The following BMPER variants were observed in gnomAD, a reference collection of about 807,000 sequenced individuals.
BMPER encodes the protein BMP binding endothelial regulator.
A neutral mutation model predicts 87.3 loss-of-function variants in BMPER; 45 were observed. That is an observed-to-expected ratio of 0.52 (90% CI 0.41 to 0.66). The LOEUF (loss-of-function observed/expected upper bound fraction) is 0.66. Among genes scored for constraint, BMPER ranks in the 30% least tolerant of loss-of-function variants. BMPER has a pLI of 0.00. For missense variants in BMPER, 784 were observed against 867.5 expected (o/e 0.90, Z 1.21); for synonymous variants, 326 against 316.2 (o/e 1.03, Z -0.33).
rs1328668674 is a variant in BMPER at position 34,077,296 on chromosome 7, AGTTAG to A, written c.1079-1559_1079-1555del. Among the ~76,000 whole-genome samples, 9 of 152,102 alleles carry A rather than the reference AGTTAG, an allele frequency of 5.9e-5. 1 individual carries two copies. The South Asian group carries it at 1.5e-3, about 25-fold the overall frequency. On this transcript the variant is annotated intron_variant, in intron 11 of 14. Coordinates refer to ENST00000649409, the MANE Select transcript of BMPER (RefSeq NM_001365308.1). ...CTGGGAACTAGTTGAGAAGATATGG[AGTTAG>A]GAAGGTGGGAAAAGGGTGAAATGTG... is the stretch of plus-strand genomic sequence containing the variant.
At chr7:34,107,291 A>T (rs972258615) in intron 13 of BMPER, among the ~76,000 whole-genome samples, 1 of 152,248 alleles carries the variant, frequency 6.6e-6, no homozygotes, top group African/African-American at 2.4e-5. Context: ...TTTAGCATAC[A>T]GAAACTATGG....
At chr7:34,038,651 G>C (rs1787749837) in intron 6 of BMPER, among the ~76,000 whole-genome samples, 1 of 152,184 alleles carries the variant, frequency 6.6e-6, no homozygotes, top group Non-Finnish European at 1.5e-5. Context: ...TCTCAAGACA[G>C]GGCATTAGTT....
At chr7:33,981,507 C>G (rs1785858999) in intron 6 of BMPER, among the ~76,000 whole-genome samples, 1 of 152,158 alleles carries the variant, frequency 6.6e-6, no homozygotes, top group Non-Finnish European at 1.5e-5. Context: ...ACTTTACGCT[C>G]CAAACATCTA....
At chr7:33,931,775 G>C (rs888367227) in intron 2 of BMPER, among the ~76,000 whole-genome samples, 2 of 152,158 alleles carry the variant, frequency 1.3e-5, no homozygotes, top group Non-Finnish European at 2.9e-5. Flanking sequence ...ATTCCTATTT[G>C]AGCCATCTTG....
At chr7:33,993,387 C>T (rs1180314838) in intron 6 of BMPER, among the ~76,000 whole-genome samples, 2 of 152,180 alleles carry the variant, frequency 1.3e-5, no homozygotes, top group African/African-American at 4.8e-5. Flanking sequence ...ATCACTGATA[C>T]CCTTTCTTCC....
At chr7:33,982,375 A>T (rs1399709666) in intron 6 of BMPER, among the ~76,000 whole-genome samples, 2 of 152,204 alleles carry the variant, frequency 1.3e-5, no homozygotes. Flanking sequence ...TGGGCAGTTC[A>T]TCTAACTAGT....
At chr7:33,999,015 C>T (rs370228417) in intron 6 of BMPER, among the ~76,000 whole-genome samples, 5 of 152,280 alleles carry the variant, frequency 3.3e-5, no homozygotes, top group South Asian at 2.1e-4. Context: ...CTTCCCTGCC[C>T]GCCTGCTCTG....
intron 5 of BMPER, among the ~76,000 whole-genome samples, chr7:33,972,318 C>G (rs548311225): frequency 6.6e-6 from 1 of 152,282 alleles, no homozygotes; most frequent in Admixed American, 6.5e-5. Flanking sequence ...GACCTCCCAC[C>G]CTGTAGAACA....
At chr7:34,135,694 C>T (rs1040948878) in intron 13 of BMPER, among the ~76,000 whole-genome samples, 1 of 152,128 alleles carries the variant, frequency 6.6e-6, no homozygotes, top group Non-Finnish European at 1.5e-5. Context: ...TCCTTTTTCT[C>T]ATTCATAATA....
chr7:34,050,001 G>A (rs1230831140), intron 7 of BMPER, among the ~76,000 whole-genome samples: 2 of 152,172 alleles, frequency 1.3e-5, no homozygotes, highest in African/African-American at 4.8e-5. Flanking sequence ...TGTGATCCAG[G>A]CTGTGCACAG....
At chr7:34,038,929 A>G (rs1297291668) in intron 6 of BMPER, among the ~76,000 whole-genome samples, 1 of 152,194 alleles carries the variant, frequency 6.6e-6, no homozygotes, top group East Asian at 1.9e-4. Context: ...TTTATGATAA[A>G]GCCTGCATTG....
At chr7:33,989,213 C>T (rs1786118036) in intron 6 of BMPER, among the ~76,000 whole-genome samples, 1 of 141,088 alleles carries the variant, frequency 7.1e-6, no homozygotes, top group Non-Finnish European at 1.5e-5. Flanking sequence ...AATAGTTGAA[C>T]TAGTTTACAG....
intron 13 of BMPER, among the ~76,000 whole-genome samples, chr7:34,109,581 C>T (rs1023501636): frequency 6.6e-6 from 1 of 152,210 alleles, no homozygotes; most frequent in Non-Finnish European, 1.5e-5. Context: ...TCTCAGGTTT[C>T]TCTACTGGTA....
chr7:33,965,662 C>T (rs561860083), intron 3 of BMPER, among the ~76,000 whole-genome samples: 9 of 152,230 alleles, frequency 5.9e-5, no homozygotes, highest in South Asian at 2.1e-4. Flanking sequence ...CTATAGGCAT[C>T]GCCAAGTGTG....
At chr7:34,145,760 C>T (rs1791000556) in intron 14 of BMPER, among the ~76,000 whole-genome samples, 16 of 152,172 alleles carry the variant, frequency 1.1e-4, no homozygotes, top group Admixed American at 1.0e-3. Context: ...ATATTAGATA[C>T]AGGATATATG....
At chr7:34,050,188 T>C (rs1176261541) in intron 7 of BMPER, among the ~76,000 whole-genome samples, 2 of 152,206 alleles carry the variant, frequency 1.3e-5, no homozygotes, top group Non-Finnish European at 1.5e-5. Flanking sequence ...GAATTAACAA[T>C]CATCATGCTA....
intron 13 of BMPER, among the ~76,000 whole-genome samples, chr7:34,097,770 A>T (rs1467006325): frequency 6.6e-6 from 1 of 152,074 alleles, no homozygotes; most frequent in African/African-American, 2.4e-5. Flanking sequence ...AAGAGGACTT[A>T]ATTTTCTGAG....
intron 6 of BMPER, among the ~76,000 whole-genome samples, chr7:34,020,472 G>A (rs1787149704): frequency 1.3e-5 from 2 of 151,912 alleles, no homozygotes; most frequent in African/African-American, 4.8e-5. Flanking sequence ...TTAAATTCTA[G>A]TGGTAAGAAT....
chr7:33,988,741 A>G (rs1429567606), intron 6 of BMPER, among the ~76,000 whole-genome samples: 2 of 148,960 alleles, frequency 1.3e-5, no homozygotes, highest in Non-Finnish European at 1.5e-5. Context: ...CATTACGTAT[A>G]TCTCCCGATG....
Sources: allele counts gnomAD v4.1 joint callset (sites outside exome capture counted in the v4.1 genomes callset), GRCh38; gene constraint gnomAD v4.1.1; transcripts MANE v1.5; gene names NCBI Gene and HGNC (gene_info 2026-07-23, HGNC 2026-07-21).